Variants in DDX18 observed in about 807,000 individuals in gnomAD.
DDX18 encodes the protein ATP-dependent RNA helicase DDX18.
A neutral mutation model predicts 73.5 loss-of-function variants in DDX18; 23 were observed. The ratio of observed to expected loss-of-function variants is 0.31; its 90% confidence interval spans 0.23 to 0.44. The LOEUF (loss-of-function observed/expected upper bound fraction) is 0.44. DDX18 is among the 20% of genes least tolerant of loss of function. The pLI is 1.00. For missense variants in DDX18, 753 were observed against 792.9 expected (o/e 0.95, Z 0.60); for synonymous variants, 268 against 282.7 (o/e 0.95, Z 0.52).
chr2:117,827,269 C>T lies in DDX18; in HGVS notation c.1635+887C>T, dbSNP rs148493539. ...GCCTCTGTCTTTGCTGGGAAGCCAT[C>T]GCTGATCTCCTGCCTCCTTGTTCCC... On this transcript the variant is annotated intron_variant, in intron 11 of 13. Transcript: ENST00000263239. The T allele has an allele frequency of 2.2e-3, 337 of 152,334 alleles. 4 individuals carry two copies. Among genetic ancestry groups the T allele is most frequent in the Non-Finnish European group, 3.6e-3 (243 of 68,038 alleles). 9.4% of individuals were successfully genotyped at this position (152,334 alleles called of 1,614,324 possible). A position where few individuals can be genotyped will look rare whatever the true frequency, so the allele number is the denominator to read the frequency against.
At chr2:117,821,585 G>A (rs1314366275) in intron 4 of DDX18, 65 bp from the exon 5 acceptor site, 23 of 1,545,506 alleles carry the variant, frequency 1.5e-5, no homozygotes, top group Non-Finnish European at 1.9e-5. Context: ...CCTAAGGTGT[G>A]TGTATGTAGT....
At chr2:117,814,948 G>A (rs919598769) in intron 1 of DDX18, 86 bp downstream of exon 1, 2 of 1,366,812 alleles carry the variant, frequency 1.5e-6, no homozygotes, top group African/African-American at 2.9e-5. Context: ...GCTGCTCTGT[G>A]TGACGGAGGC....
chr2:117,819,399 T>C (rs895592186), intron 2 of DDX18, among the ~76,000 whole-genome samples: 4 of 152,216 alleles, frequency 2.6e-5, no homozygotes, highest in African/African-American at 9.6e-5. Context: ...GTGAAACTTA[T>C]AATTGGTATG....
chr2:117,821,038 A>G, intron 3 of DDX18, 123 bp from the exon 4 acceptor site: 1 of 914,456 alleles, frequency 1.1e-6, no homozygotes, highest in South Asian at 2.2e-5. Context: ...CATATGAATA[A>G]TTAAGGTTTA....
intron 13 of DDX18, 34 bp from the exon 14 acceptor site, chr2:117,830,548 T>C (rs1311053292): frequency 6.2e-7 from 1 of 1,604,196 alleles, no homozygotes; most frequent in South Asian, 1.1e-5. Flanking sequence ...GTTCATTATC[T>C]TTTTTGCTTG....
chr2:117,830,527 G>A, intron 13 of DDX18, 55 bp from the exon 14 acceptor site: 1 of 1,590,030 alleles, frequency 6.3e-7, no homozygotes, highest in Non-Finnish European at 8.5e-7. Context: ...CTGTGTAGAT[G>A]TTAGATTGGA....
chr2:117,819,883 G>T (rs1048471399), intron 3 of DDX18, 91 bp downstream of exon 3: 13 of 1,256,632 alleles, frequency 1.0e-5, no homozygotes, highest in Non-Finnish European at 1.1e-5. Context: ...GTGACTTTCA[G>T]TTTACCTGAA....
rs918744518 is a variant in DDX18 at position 117,826,192 on chromosome 2, A to C, written c.1522-77A>C. ...ACACCATCTCAGTACAGACATGCAC[A>C]TACTCAGGATGCAGATACGCAAATG... On this transcript the variant is annotated intron_variant, in intron 10 of 13. Transcript: ENST00000263239. 21 of 1,210,132 alleles carry C rather than the reference A, an allele frequency of 1.7e-5. No individual in the cohort carries two copies. The Middle Eastern group carries it at 8.2e-4, about 47-fold the overall frequency. The allele number at this position is 1,210,132 out of a possible 1,614,324, so 75.0% of individuals were successfully genotyped here. A position where few individuals can be genotyped will look rare whatever the true frequency, so the allele number is the denominator to read the frequency against.
Position 117,830,051 on chromosome 2 carries a change from G to A in DDX18, c.1871-531G>A, listed in dbSNP as rs890101873. Among the ~76,000 whole-genome samples the A allele has an allele frequency of 2.6e-5, 4 of 152,152 alleles. No homozygotes were observed. The South Asian group carries it at 6.2e-4, about 24-fold the overall frequency. ...GAAGAAACTGAGCAGCTGAAATGAG[G>A]CCTGTGCTTCAGTGCCATAGGGGTA... On this transcript the variant is annotated intron_variant, in intron 13 of 13. Transcript: ENST00000263239.
At chr2:117,825,330 A>G in intron 9 of DDX18, 117 bp from the exon 10 acceptor site, 1 of 1,327,682 alleles carries the variant, frequency 7.5e-7, no homozygotes, top group Non-Finnish European at 1.0e-6. Flanking sequence ...AGTTGGGGAA[A>G]TAGGACATAG....
intron 7 of DDX18, chr2:117,822,531 A>T (rs1245706964): frequency 3.0e-6 from 1 of 337,714 alleles, no homozygotes; most frequent in East Asian, 7.0e-5. Context: ...TACCTCATCT[A>T]ACATCCCCCA....
chr2:117,826,830 G>T (rs930678698), intron 11 of DDX18: 1 of 159,528 alleles, frequency 6.3e-6, no homozygotes, highest in Admixed American at 6.0e-5. Flanking sequence ...CTTGCGGTTG[G>T]CGCTTTACCA....
At chr2:117,826,652 CCTT>C (rs1236088973) in intron 11 of DDX18, 3 of 436,506 alleles carry the variant, frequency 6.9e-6, no homozygotes, top group East Asian at 8.3e-5. Flanking sequence ...CTCTTTGAAA[CCTT>C]CTCCACTCCT....
chr2:117,825,560 C>T lies in DDX18; in HGVS notation c.1482C>T (p.Val494=), dbSNP rs766187771. The T allele has an allele frequency of 5.6e-6, 9 of 1,614,002 alleles. No individual in the cohort carries two copies. Among genetic ancestry groups the T allele is most frequent in the African/African-American group, 2.7e-5 (2 of 74,898 alleles). The change falls in exon 10 of 14, where the codon GTC becomes GTT. Residue 494 remains valine, a synonymous_variant. Transcript: ENST00000263239. Reference sequence around the variant, plus strand: ...CGAGAGGACTAGACATTCCTGAAGTCGACTGGATTGTTCAGTATGACCCTC... The same window carrying T: ...CGAGAGGACTAGACATTCCTGAAGTTGACTGGATTGTTCAGTATGACCCTC... ...VAARGLDIPE[V]DWIVQYDPPD... is the part of the protein sequence containing the mutation.
At position 117,821,312 on chromosome 2, in the gene DDX18, A is replaced by T. The variant is rs957507777; in HGVS notation, c.650+16A>T. 4 of 1,588,602 alleles carry T rather than the reference A, an allele frequency of 2.5e-6. No individual in the cohort carries two copies. The African/African-American group carries it at 4.1e-5, about 16-fold the overall frequency. On this transcript the variant is annotated intron_variant, in intron 4 of 13. Transcript: ENST00000263239. ...TGGAAGGCAGGTATGATTAACATTG[A>T]AGCTTAGATATTGGCATCTATTTTT...
Position 117,814,895 on chromosome 2 carries a change from A to T in DDX18, c.85+33A>T, listed in dbSNP as rs3755492. The T allele has an allele frequency of 4.1e-3, 6,666 of 1,612,156 alleles. 238 individuals carry two copies. In the African/African-American group the frequency reaches 0.076, roughly 18 times the overall value. The stretch of plus-strand genomic sequence containing the variant: ...GCGTTGACTCGCGGTGGCTCAGAAG[A>T]CCCACGCGCGAGCCCTGGCGCGTTC... On this transcript the variant is annotated intron_variant, in intron 1 of 13. Coordinates refer to ENST00000263239, the MANE Select transcript of DDX18 (RefSeq NM_006773.4).
intron 9 of DDX18, 128 bp downstream of exon 9, chr2:117,825,229 A>G: frequency 1.5e-6 from 2 of 1,318,068 alleles, no homozygotes; most frequent in South Asian, 1.4e-5. Flanking sequence ...TAGATGATGG[A>G]TCCTGTGTGG....
At position 117,830,546 on chromosome 2, in the gene DDX18, T is replaced by C. The variant is rs1452318199; in HGVS notation, c.1871-36T>C. On this transcript the variant is annotated intron_variant, in intron 13 of 13. Coordinates refer to ENST00000263239, the MANE Select transcript of DDX18 (RefSeq NM_006773.4). The stretch of plus-strand genomic sequence containing the variant: ...GTAGATGTTAGATTGGAGTTCATTA[T>C]CTTTTTTGCTTGATTTCCTTAATGT... 3 of 1,603,980 alleles carry C rather than the reference T, an allele frequency of 1.9e-6. No homozygotes were observed. The Admixed American group carries it at 5.2e-5, about 28-fold the overall frequency.
chr2:117,826,466 C>A, intron 11 of DDX18, 84 bp downstream of exon 11: 1 of 1,282,950 alleles, frequency 7.8e-7, no homozygotes, highest in African/African-American at 1.4e-5. Flanking sequence ...AGAGGAGTCT[C>A]GAGTCTGGCC....
Sources: gnomAD v4.1 joint callset for allele counts (sites outside exome capture counted in the v4.1 genomes callset) on GRCh38, gnomAD v4.1.1 for gene constraint, MANE v1.5 for transcripts, NCBI Gene and HGNC (gene_info 2026-07-23, HGNC 2026-07-21) for gene names.